SPAG16: variants seen among roughly 807,000 people sequenced by gnomAD.
The protein encoded by SPAG16 is sperm-associated antigen 16 protein.
Under a neutral mutation model 80.4 loss-of-function variants are expected in SPAG16, and 86 were observed. That is an observed-to-expected ratio of 1.07 (90% CI 0.90 to 1.28). The LOEUF is 1.28. Among genes scored for constraint, SPAG16 ranks in the 50% most tolerant of loss-of-function variants. SPAG16 has a pLI of 0.00. For missense variants in SPAG16, 870 were observed against 765.3 expected (o/e 1.14, Z -1.61); for synonymous variants, 294 against 265.9 (o/e 1.11, Z -1.03).
chr2:214,338,850 T>A (rs1367656479), intron 15 of SPAG16, among the ~76,000 whole-genome samples: 1 of 152,196 alleles, frequency 6.6e-6, no homozygotes, highest in African/African-American at 2.4e-5. Flanking sequence ...ATAGTTGCGA[T>A]TTTTGTTGTT....
At chr2:214,048,777 A>G (rs2049477913) in intron 13 of SPAG16, among the ~76,000 whole-genome samples, 1 of 152,202 alleles carries the variant, frequency 6.6e-6, no homozygotes, top group South Asian at 2.1e-4. Context: ...ATTATTACAC[A>G]TTGCATGCCT....
intron 15 of SPAG16, among the ~76,000 whole-genome samples, chr2:214,407,555 G>C (rs1265503713): frequency 1.3e-5 from 2 of 152,068 alleles, no homozygotes; most frequent in Non-Finnish European, 2.9e-5. Context: ...CTGACATTCA[G>C]ATGACAAGTG....
At chr2:213,356,553 C>T (rs889310653) in intron 7 of SPAG16, among the ~76,000 whole-genome samples, 21 of 152,294 alleles carry the variant, frequency 1.4e-4, no homozygotes, top group African/African-American at 4.3e-4. Context: ...TTATAGTATT[C>T]TCTGATGGTA....
intron 5 of SPAG16, chr2:213,317,586 G>T: frequency 8.5e-7 from 1 of 1,170,778 alleles, no homozygotes; most frequent in Non-Finnish European, 1.1e-6. Flanking sequence ...TTTAGGAGAT[G>T]GTACATTTTT....
intron 15 of SPAG16, among the ~76,000 whole-genome samples, chr2:214,248,974 A>C (rs907195027): frequency 1.3e-5 from 2 of 152,200 alleles, no homozygotes; most frequent in East Asian, 3.9e-4. Context: ...TAGTTTTGGC[A>C]TACTTGAAAA....
chr2:214,235,091 G>C (rs1049704272), intron 15 of SPAG16, among the ~76,000 whole-genome samples: 1 of 152,068 alleles, frequency 6.6e-6, no homozygotes, highest in Non-Finnish European at 1.5e-5. Flanking sequence ...GACACTGATG[G>C]ATTAATAAGT....
chr2:213,831,034 C>CGT (rs2073613948), intron 10 of SPAG16, among the ~76,000 whole-genome samples: 1 of 80,800 alleles, frequency 1.2e-5, no homozygotes, highest in African/African-American at 4.5e-5. Context: ...TGAAACATGA[C>CGT]TTTTTTTTTT....
chr2:213,303,163 C>T (rs571194956), intron 3 of SPAG16, among the ~76,000 whole-genome samples: 5 of 152,148 alleles, frequency 3.3e-5, no homozygotes, highest in African/African-American at 9.6e-5. Flanking sequence ...TTGTACTCTG[C>T]TAGTTTGGTA....
At chr2:213,936,865 C>A (rs1027652709) in intron 12 of SPAG16, among the ~76,000 whole-genome samples, 1 of 152,102 alleles carries the variant, frequency 6.6e-6, no homozygotes, top group African/African-American at 2.4e-5. Context: ...AGCATCACTT[C>A]CTTTTTATTT....
intron 6 of SPAG16, among the ~76,000 whole-genome samples, chr2:213,341,306 T>C (rs1429538530): frequency 2.0e-5 from 3 of 152,182 alleles, no homozygotes; most frequent in African/African-American, 7.2e-5. Context: ...ACACAGTGAA[T>C]ACTTTGCCCG....
chr2:213,859,673 C>A (rs966457884), intron 10 of SPAG16, among the ~76,000 whole-genome samples: 7 of 152,146 alleles, frequency 4.6e-5, no homozygotes, highest in Non-Finnish European at 1.0e-4. Context: ...GCCAAGCCAT[C>A]CTGGGTTCAA....
chr2:214,159,040 G>A (rs937756632), intron 15 of SPAG16, among the ~76,000 whole-genome samples: 10 of 151,818 alleles, frequency 6.6e-5, no homozygotes, highest in African/African-American at 1.4e-4. Flanking sequence ...AATTAGTTGC[G>A]TAACTATACA....
At position 213,929,980 on chromosome 2, in the gene SPAG16, C is replaced by T. The variant is rs1346350845; in HGVS notation, c.1235C>T (p.Ser412Leu). Residue 412 changes from serine (S) to leucine (L), a missense_variant, in exon 12 of 16, where the codon TCA (serine) becomes TTA (leucine). Transcript: ENST00000331683. The stretch of plus-strand genomic sequence containing the variant: ...AATAGTGGCGACAAATTGGCTACTT[C>T]AAGTGGTGACACTACAGTTAAATTA... ...FHPSGDKLAT[S>L]SGDTTVKLWD... 1 of 1,608,154 alleles carries T rather than the reference C, an allele frequency of 6.2e-7. No individual in the cohort carries two copies. Among genetic ancestry groups the T allele is most frequent in the Admixed American group, 1.7e-5 (1 of 58,446 alleles).
chr2:214,225,076 G>A (rs892072423), intron 15 of SPAG16, among the ~76,000 whole-genome samples: 1 of 152,174 alleles, frequency 6.6e-6, no homozygotes, highest in Non-Finnish European at 1.5e-5. Context: ...GCATATAGAA[G>A]AGAGCAGCAA....
At chr2:214,350,307 A>G (rs1036996550) in intron 15 of SPAG16, among the ~76,000 whole-genome samples, 1 of 152,216 alleles carries the variant, frequency 6.6e-6, no homozygotes, top group Non-Finnish European at 1.5e-5. Context: ...TTGCAAATAT[A>G]ATAGACACTT....
chr2:213,833,521 A>ATATT (rs1491409599), intron 10 of SPAG16, among the ~76,000 whole-genome samples: 1 of 1,872 alleles, frequency 5.3e-4, no homozygotes, highest in Non-Finnish European at 1.2e-3. Context: ...TAATATATAT[A>ATATT]ATATATATAT....
intron 13 of SPAG16, among the ~76,000 whole-genome samples, chr2:214,024,687 A>C (rs2048044886): frequency 6.6e-6 from 1 of 151,662 alleles, no homozygotes. Context: ...TAGAAGGTTG[A>C]TAGAGAGCTA....
chr2:214,153,813 G>C (rs2056092093), intron 15 of SPAG16, among the ~76,000 whole-genome samples: 1 of 151,900 alleles, frequency 6.6e-6, no homozygotes, highest in African/African-American at 2.4e-5. Flanking sequence ...TAAACATATA[G>C]GAATCACCCC....
chr2:213,837,523 C>T (rs537078237), intron 10 of SPAG16, among the ~76,000 whole-genome samples: 9 of 152,276 alleles, frequency 5.9e-5, no homozygotes, highest in East Asian at 5.8e-4. Context: ...CTTACAGCCC[C>T]GGTAAAATGT....
Sources: allele counts gnomAD v4.1 joint callset (sites outside exome capture counted in the v4.1 genomes callset), GRCh38; gene constraint gnomAD v4.1.1; transcripts MANE v1.5; gene names NCBI Gene and HGNC (gene_info 2026-07-23, HGNC 2026-07-21).